The following SLC12A7 variants were observed in gnomAD, a reference collection of about 807,000 sequenced individuals.
SLC12A7 encodes the protein solute carrier family 12 member 7.
SLC12A7 carries 100 observed loss-of-function variants against 120.6 expected under a neutral mutation model. That is an observed-to-expected ratio of 0.83 (90% CI 0.71 to 0.98). The LOEUF (loss-of-function observed/expected upper bound fraction) is 0.98, where lower values mean the gene tolerates loss of function less well. SLC12A7 is among the 50% of genes least tolerant of loss of function. The probability of loss-of-function intolerance (pLI) is 0.00; values close to 1 mark genes in which losing one functional copy is unlikely to be tolerated. For missense variants in SLC12A7, 1,373 were observed against 1,548.1 expected, an observed-to-expected ratio of 0.89 and a Z score of 1.90; for synonymous variants, 760 against 678.0, an observed-to-expected ratio of 1.12 and a Z score of -1.88.
chr5:1,145,403 G>C, the SLC12A7 span, among the ~76,000 whole-genome samples: 1 of 152,198 alleles, frequency 6.6e-6, no homozygotes, highest in Non-Finnish European at 1.5e-5. The surrounding 1 kb of genome is among the most constrained non-coding windows in gnomAD (Gnocchi z 4.4). Flanking sequence ...AGTGCCCAGC[G>C]GGGTAATTGC....
intron 1 of SLC12A7, among the ~76,000 whole-genome samples, chr5:1,095,994 A>G (rs1461852385): frequency 6.6e-6 from 1 of 152,194 alleles, no homozygotes; most frequent in Non-Finnish European, 1.5e-5. Context: ...CAGGGAGACA[A>G]CTCAGAGGAA....
the SLC12A7 span, among the ~76,000 whole-genome samples, chr5:1,147,521 C>T: frequency 3.6e-3 from 543 of 152,214 alleles, 6 homozygotes; most frequent in Non-Finnish European, 5.8e-3. Context: ...TTCTACGTCA[C>T]CAGCACCTTG....
chr5:1,060,808 T>C (rs1030805560), intron 20 of SLC12A7, among the ~76,000 whole-genome samples: 1 of 152,230 alleles, frequency 6.6e-6, no homozygotes, highest in African/African-American at 2.4e-5. Flanking sequence ...CAGGTGTCAT[T>C]GTCTATGCTC....
chr5:1,109,185 C>T (rs968586083), intron 1 of SLC12A7, among the ~76,000 whole-genome samples: 4 of 152,124 alleles, frequency 2.6e-5, no homozygotes, highest in African/African-American at 7.2e-5. Context: ...CCAGACAGGC[C>T]GGGGCACTGG....
chr5:1,145,937 G>A, the SLC12A7 span, among the ~76,000 whole-genome samples: 1 of 152,092 alleles, frequency 6.6e-6, no homozygotes, highest in Non-Finnish European at 1.5e-5. The surrounding 1 kb of genome is among the most constrained non-coding windows in gnomAD (Gnocchi z 4.4). Flanking sequence ...CAGTCACAAT[G>A]CTGTAAAACC....
intron 17 of SLC12A7, among the ~76,000 whole-genome samples, chr5:1,068,827 G>A (rs992026452): frequency 6.6e-6 from 1 of 152,270 alleles, no homozygotes; most frequent in Admixed American, 6.5e-5. Flanking sequence ...CGTGGCAGGG[G>A]GTCCCGTCAT....
intron 16 of SLC12A7, 134 bp from the exon 17 acceptor site, chr5:1,073,935 G>T: frequency 1.2e-6 from 1 of 825,374 alleles, no homozygotes; most frequent in Non-Finnish European, 1.7e-6. Context: ...CGGGACAGGG[G>T]ACAAAAGGGG....
chr5:1,098,971 G>A (rs926285065), intron 1 of SLC12A7, among the ~76,000 whole-genome samples: 2 of 151,994 alleles, frequency 1.3e-5, no homozygotes, highest in Non-Finnish European at 2.9e-5. Flanking sequence ...GCACATTCAT[G>A]ATGACCGGAA....
At chr5:1,113,992 C>T (rs1407856403), upstream of SLC12A7, among the ~76,000 whole-genome samples, 1 of 152,232 alleles carries the variant, frequency 6.6e-6, no homozygotes, top group Non-Finnish European at 1.5e-5. Flanking sequence ...CTGCTTCACA[C>T]CCCAGGACCC....
chr5:1,085,142 G>A (rs1739675302), intron 7 of SLC12A7, 90 bp downstream of exon 7: 18 of 1,532,624 alleles, frequency 1.2e-5, no homozygotes, highest in South Asian at 6.3e-5. Context: ...GGAGCTCGGC[G>A]TCAAGGATGA....
chr5:1,121,117 C>T, the SLC12A7 span, among the ~76,000 whole-genome samples: 1 of 152,240 alleles, frequency 6.6e-6, no homozygotes, highest in Non-Finnish European at 1.5e-5. Flanking sequence ...CAAGCTGCCT[C>T]CTGCACGTCC....
chr5:1,092,276 C>T (rs1740609490), intron 3 of SLC12A7, among the ~76,000 whole-genome samples: 1 of 152,218 alleles, frequency 6.6e-6, no homozygotes, highest in Non-Finnish European at 1.5e-5. Flanking sequence ...GAACACTGGA[C>T]GCTGGCAGGA....
chr5:1,074,534 G>A lies in SLC12A7; in HGVS notation c.2072+33C>T, dbSNP rs199648068. 2,620 of 1,578,756 alleles carry A rather than the reference G, an allele frequency of 1.7e-3. 5 individuals are homozygous for A. Among genetic ancestry groups the A allele is most frequent in the Non-Finnish European group, 2.1e-3 (2,409 of 1,153,172 alleles). On this transcript the variant is annotated intron_variant, in intron 16 of 23. Coordinates refer to ENST00000264930, the MANE Select transcript of SLC12A7 (RefSeq NM_006598.3). ...GACCTCAGAAACAGCTCTTCTGTGC[G>A]TCTGAGGACCACGGGGCATGGGCGG...
chr5:1,097,851 C>G (rs1401552873), intron 1 of SLC12A7, among the ~76,000 whole-genome samples: 1 of 152,142 alleles, frequency 6.6e-6, no homozygotes, highest in Non-Finnish European at 1.5e-5. Flanking sequence ...TCTCCCCTCA[C>G]TTTCTTGAGA....
At chr5:1,115,819 A>G (rs1743295138), upstream of SLC12A7, among the ~76,000 whole-genome samples, 1 of 140,088 alleles carries the variant, frequency 7.1e-6, no homozygotes, top group Admixed American at 6.9e-5. Flanking sequence ...AGAGCAGAAG[A>G]GAGAGGGGAG....
At chr5:1,108,039 C>CACACACACACACAA (rs1742668781) in intron 1 of SLC12A7, among the ~76,000 whole-genome samples, 1 of 151,990 alleles carries the variant, frequency 6.6e-6, no homozygotes, top group South Asian at 2.1e-4. Flanking sequence ...TACACACACA[C>CACACACACACACAA]ACGTGAGCAT....
At chr5:1,057,400 G>T in intron 22 of SLC12A7, 71 bp downstream of exon 22, 1 of 1,473,614 alleles carries the variant, frequency 6.8e-7, no homozygotes, top group Non-Finnish European at 9.1e-7. Context: ...TCAGGGAAGG[G>T]ACTCTGTCCT....
At chr5:1,085,568 T>G in intron 6 of SLC12A7, 95 bp from the exon 7 acceptor site, 1 of 1,453,042 alleles carries the variant, frequency 6.9e-7, no homozygotes, top group Non-Finnish European at 9.1e-7. Flanking sequence ...AGGGGCCTCC[T>G]CCCAACAGGT....
At chr5:1,081,032 AGAGG>A (rs1395176588) in intron 9 of SLC12A7, among the ~76,000 whole-genome samples, 1 of 149,896 alleles carries the variant, frequency 6.7e-6, no homozygotes, top group Non-Finnish European at 1.5e-5. Context: ...AGAGAGAGAG[AGAGG>A]GAGGGAGGGA....
Sources: allele counts gnomAD v4.1 joint callset (sites outside exome capture counted in the v4.1 genomes callset), GRCh38; gene constraint gnomAD v4.1.1; non-coding constraint Gnocchi (gnomAD v3.1); transcripts MANE v1.5; gene names NCBI Gene and HGNC (gene_info 2026-07-23, HGNC 2026-07-21).